Variants in DCAF8L2 observed in about 807,000 individuals in gnomAD.
DCAF8L2 encodes DDB1- and CUL4-associated factor 8-like protein 2.
For missense variants in DCAF8L2, 430 were observed against 490.7 expected, an observed-to-expected ratio of 0.88 and a Z score of 1.17; for synonymous variants, 200 against 190.9, an observed-to-expected ratio of 1.05 and a Z score of -0.39.
At chrX:27,520,127 CATT>C in the DCAF8L2 span, among the ~76,000 whole-genome samples, 1 of 111,662 alleles carries the variant, frequency 9.0e-6, no homozygotes, top group Middle Eastern at 5.0e-3. Flanking sequence ...TCAAATTGAC[CATT>C]ATTTTGTCTT....
At chrX:27,547,448 A>G in the DCAF8L2 span, among the ~76,000 whole-genome samples, 8 of 111,958 alleles carry the variant, frequency 7.1e-5, no homozygotes, top group Non-Finnish European at 1.3e-4. Context: ...TCACACTGCT[A>G]TAAAGAACTT....
At chrX:27,732,965 C>T (rs1264929487) in intron 4 of DCAF8L2, among the ~76,000 whole-genome samples, 2 of 111,150 alleles carry the variant, frequency 1.8e-5, no homozygotes, top group African/African-American at 6.6e-5. Flanking sequence ...TCAAGCGATT[C>T]TCCTGCCTCA....
chrX:27,481,153 G>A, the DCAF8L2 span, among the ~76,000 whole-genome samples: 1 of 110,738 alleles, frequency 9.0e-6, no homozygotes, highest in East Asian at 2.8e-4. Flanking sequence ...CAAGGCGGGC[G>A]GATCACCTGA....
the DCAF8L2 span, among the ~76,000 whole-genome samples, chrX:27,578,903 A>G: frequency 9.0e-6 from 1 of 110,832 alleles, no homozygotes; most frequent in Non-Finnish European, 1.9e-5. Context: ...TCAAAAAAAA[A>G]AAAAACAGAT....
At chrX:27,597,061 G>A (rs1926394481) in intron 1 of DCAF8L2, among the ~76,000 whole-genome samples, 1 of 111,487 alleles carries the variant, frequency 9.0e-6, no homozygotes, top group South Asian at 3.7e-4. Flanking sequence ...CTCACTGAAG[G>A]CCATTTGGAT....
the DCAF8L2 span, among the ~76,000 whole-genome samples, chrX:27,544,815 C>G: frequency 9.0e-6 from 1 of 111,270 alleles, no homozygotes; most frequent in Non-Finnish European, 1.9e-5. Flanking sequence ...TTATTAGGAG[C>G]CCACTGAGAT....
intron 1 of DCAF8L2, among the ~76,000 whole-genome samples, chrX:27,627,813 G>C (rs1197031472): frequency 2.8e-5 from 3 of 109,008 alleles, no homozygotes; most frequent in Admixed American, 2.0e-4. Context: ...AGAATCACCT[G>C]AACCAGGGAA....
intron 4 of DCAF8L2, among the ~76,000 whole-genome samples, chrX:27,734,468 G>A (rs1010986535): frequency 1.3e-4 from 14 of 111,380 alleles, no homozygotes; most frequent in Admixed American, 1.9e-4. Context: ...GTAAAATGTC[G>A]CCCACCATAT....
chrX:27,528,916 C>T, the DCAF8L2 span, among the ~76,000 whole-genome samples: 1 of 111,592 alleles, frequency 9.0e-6, no homozygotes, highest in Non-Finnish European at 1.9e-5. Context: ...TATCCTATTA[C>T]CTAATTTCTG....
At chrX:27,735,495 A>T (rs1921471021) in intron 4 of DCAF8L2, among the ~76,000 whole-genome samples, 1 of 112,255 alleles carries the variant, frequency 8.9e-6, no homozygotes, top group Non-Finnish European at 1.9e-5. Context: ...TTTCAATCAC[A>T]TGTTGTCTAT....
intron 4 of DCAF8L2, among the ~76,000 whole-genome samples, chrX:27,738,867 A>G (rs1403568076): frequency 9.0e-6 from 1 of 111,600 alleles, no homozygotes; most frequent in African/African-American, 3.3e-5. Context: ...TCAGGAACAG[A>G]AACAGTTAGA....
chrX:27,574,838 C>T, the DCAF8L2 span, among the ~76,000 whole-genome samples: 11 of 111,055 alleles, frequency 9.9e-5, no homozygotes, highest in Non-Finnish European at 1.7e-4. Context: ...TCCGACCTCA[C>T]GGCAATGTCT....
rs61739721 is a variant in DCAF8L2, at chrX:27,747,677, G to A, written c.782G>A (p.Arg261Lys). ...ATAGTGTGGGACTGGGTGCGGCAGAGGCCAGTACTGAACTTTGAAAGTGGT... is the reference window on the plus strand; with the variant it reads ...ATAGTGTGGGACTGGGTGCGGCAGAAGCCAGTACTGAACTTTGAAAGTGGT... ...KVIVWDWVRQ[R>K]PVLNFESGHT... The change falls in exon 5 of 5, where the codon AGG becomes AAG. Residue 261 changes from arginine (R) to lysine (K), a missense_variant. Transcript: ENST00000451261. The A allele has an allele frequency of 1.7e-6, 2 of 1,210,507 alleles. No individual in the cohort carries two copies. Among genetic ancestry groups the A allele is most frequent in the Admixed American group, 2.2e-5 (1 of 45,968 alleles).
intron 2 of DCAF8L2, among the ~76,000 whole-genome samples, chrX:27,666,026 T>C (rs1929728225): frequency 9.0e-6 from 1 of 111,608 alleles, no homozygotes; most frequent in Non-Finnish European, 1.9e-5. Context: ...TATGTACTAT[T>C]AAGAAATAAA....
chrX:27,499,061 G>A, the DCAF8L2 span, among the ~76,000 whole-genome samples: 1 of 112,276 alleles, frequency 8.9e-6, no homozygotes, highest in Non-Finnish European at 1.9e-5. Flanking sequence ...TCAAAATAAT[G>A]ACTTTATTTC....
the DCAF8L2 span, among the ~76,000 whole-genome samples, chrX:27,528,536 A>C: frequency 1.9e-5 from 2 of 106,031 alleles, no homozygotes; most frequent in Non-Finnish European, 3.9e-5. Context: ...ATGTTTATGT[A>C]TATGTACAAG....
At chrX:27,635,333 T>C (rs1928457189) in intron 2 of DCAF8L2, among the ~76,000 whole-genome samples, 1 of 111,313 alleles carries the variant, frequency 9.0e-6, no homozygotes, top group Non-Finnish European at 1.9e-5. Context: ...TCAATGAAAC[T>C]ATCAACATTT....
the DCAF8L2 span, among the ~76,000 whole-genome samples, chrX:27,578,474 G>T: frequency 9.0e-6 from 1 of 111,418 alleles, no homozygotes; most frequent in Non-Finnish European, 1.9e-5. Context: ...GAAAATCCAG[G>T]CAATACCATT....
chrX:27,620,010 T>G, intron 1 of DCAF8L2, among the ~76,000 whole-genome samples: 1 of 111,830 alleles, frequency 8.9e-6, no homozygotes, highest in Middle Eastern at 4.7e-3. Flanking sequence ...AAATTTCGAA[T>G]TTTAAAACAA....
Sources: gnomAD v4.1 joint callset for allele counts (sites outside exome capture counted in the v4.1 genomes callset) on GRCh38, gnomAD v4.1.1 for gene constraint, MANE v1.5 for transcripts, NCBI Gene and HGNC (gene_info 2026-07-23, HGNC 2026-07-21) for gene names.